KCNIP4: variants seen among roughly 807,000 people sequenced by gnomAD.
The protein encoded by KCNIP4 is Kv channel-interacting protein 4.
Under a neutral mutation model 34.0 loss-of-function variants are expected in KCNIP4, and 12 were observed. The ratio of observed to expected loss-of-function variants is 0.35; its 90% confidence interval spans 0.23 to 0.57. The LOEUF (loss-of-function observed/expected upper bound fraction) is 0.57. Among genes scored for constraint, KCNIP4 ranks in the 20% least tolerant of loss-of-function variants. The pLI is 0.83. For synonymous variants in KCNIP4, 124 were observed against 102.2 expected (o/e 1.21, Z -1.29); for missense variants, 238 against 311.7 (o/e 0.76, Z 1.78).
At chr4:21,445,238 T>A (rs1457156649) in intron 1 of KCNIP4, among the ~76,000 whole-genome samples, 1 of 152,164 alleles carries the variant, frequency 6.6e-6, no homozygotes, top group Non-Finnish European at 1.5e-5. Flanking sequence ...CCCATCAAGC[T>A]ACCAATGACT....
At chr4:21,463,874 T>C (rs1729689687) in intron 1 of KCNIP4, among the ~76,000 whole-genome samples, 1 of 152,108 alleles carries the variant, frequency 6.6e-6, no homozygotes, top group Non-Finnish European at 1.5e-5. Flanking sequence ...TCGTTTGAAA[T>C]TAAATCATTT....
intron 1 of KCNIP4, among the ~76,000 whole-genome samples, chr4:21,530,266 G>A (rs1182216005): frequency 6.6e-6 from 1 of 152,090 alleles, no homozygotes; most frequent in Non-Finnish European, 1.5e-5. Flanking sequence ...ATGTACTTTT[G>A]TTTCCTAGGT....
intron 1 of KCNIP4, among the ~76,000 whole-genome samples, chr4:21,008,532 G>GT (rs33988781): frequency 0.33 from 49,518 of 150,438 alleles, 8,274 homozygotes; most frequent in African/African-American, 0.37. Context: ...TTTTGTTTTT[G>GT]TTTTTTTTTG....
At chr4:21,610,880 A>G (rs1364199725) in intron 1 of KCNIP4, among the ~76,000 whole-genome samples, 2 of 152,066 alleles carry the variant, frequency 1.3e-5, no homozygotes, top group Non-Finnish European at 2.9e-5. Flanking sequence ...CAGGTTTGCT[A>G]CATAGGTATA....
chr4:21,597,902 A>G (rs1742781871), intron 1 of KCNIP4, among the ~76,000 whole-genome samples: 1 of 152,162 alleles, frequency 6.6e-6, no homozygotes, highest in Admixed American at 6.6e-5. Context: ...ATAGCAAAAC[A>G]TATATTTAGC....
At chr4:21,153,513 GTGTATA>G (rs1560769100) in intron 1 of KCNIP4, among the ~76,000 whole-genome samples, 5 of 61,478 alleles carry the variant, frequency 8.1e-5, no homozygotes, top group South Asian at 4.5e-4. Flanking sequence ...ATATGTGTGT[GTGTATA>G]TATATATATA....
At chr4:20,915,004 A>T (rs186053185) in intron 1 of KCNIP4, among the ~76,000 whole-genome samples, 78 of 152,278 alleles carry the variant, frequency 5.1e-4, no homozygotes, top group African/African-American at 1.7e-3. Flanking sequence ...TGCTTACACA[A>T]CCTTGCAGTA....
intron 1 of KCNIP4, among the ~76,000 whole-genome samples, chr4:21,514,836 A>C (rs769239008): frequency 6.6e-6 from 1 of 152,190 alleles, no homozygotes; most frequent in Non-Finnish European, 1.5e-5. Flanking sequence ...CAAGGAAAGC[A>C]TCACTATCTA....
chr4:21,034,983 C>T (rs921636479), intron 1 of KCNIP4, among the ~76,000 whole-genome samples: 1 of 152,200 alleles, frequency 6.6e-6, no homozygotes, highest in African/African-American at 2.4e-5. Context: ...GCCTACGTGA[C>T]AGCACTTTAC....
chr4:20,822,114 C>A (rs1038974499), intron 3 of KCNIP4, among the ~76,000 whole-genome samples: 17 of 152,000 alleles, frequency 1.1e-4, no homozygotes, highest in African/African-American at 4.1e-4. Context: ...AAATTATCAG[C>A]AAAGTAAACA....
At chr4:21,121,774 C>T (rs1414499400) in intron 1 of KCNIP4, among the ~76,000 whole-genome samples, 1 of 152,144 alleles carries the variant, frequency 6.6e-6, no homozygotes, top group Non-Finnish European at 1.5e-5. Context: ...GGTAGATTCC[C>T]ATGTTTCCAG....
chr4:21,020,009 G>T (rs149700182), intron 1 of KCNIP4, among the ~76,000 whole-genome samples: 1 of 152,244 alleles, frequency 6.6e-6, no homozygotes, highest in African/African-American at 2.4e-5. Flanking sequence ...AAATGTCTGT[G>T]ATTTTCCAGA....
chr4:21,252,527 A>G (rs1388743605), intron 1 of KCNIP4, among the ~76,000 whole-genome samples: 1 of 152,024 alleles, frequency 6.6e-6, no homozygotes, highest in Non-Finnish European at 1.5e-5. Context: ...GAGAAAGTGA[A>G]CCATTCCACA....
intron 1 of KCNIP4, among the ~76,000 whole-genome samples, chr4:21,238,299 A>T (rs1759529892): frequency 6.6e-6 from 1 of 152,184 alleles, no homozygotes; most frequent in Admixed American, 6.5e-5. Flanking sequence ...AACTGGAAGC[A>T]TTCCCTTTGA....
At chr4:21,235,040 G>A (rs1461509945) in intron 1 of KCNIP4, among the ~76,000 whole-genome samples, 3 of 152,048 alleles carry the variant, frequency 2.0e-5, no homozygotes, top group East Asian at 1.9e-4. Flanking sequence ...AAATACACAT[G>A]TAGATCAGGT....
chr4:21,652,322 G>GT (rs1436030781), intron 1 of KCNIP4, among the ~76,000 whole-genome samples: 11 of 152,160 alleles, frequency 7.2e-5, no homozygotes, highest in African/African-American at 2.2e-4. Context: ...GGGCAACAGA[G>GT]TGTCAGGCTC....
At chr4:21,695,088 T>C (rs1016153044) in intron 1 of KCNIP4, among the ~76,000 whole-genome samples, 1 of 152,062 alleles carries the variant, frequency 6.6e-6, no homozygotes, top group Non-Finnish European at 1.5e-5. Flanking sequence ...TTAAAGGAAA[T>C]TTTTTAAGCT....
At chr4:21,066,209 C>G (rs920580925) in intron 1 of KCNIP4, among the ~76,000 whole-genome samples, 1 of 152,056 alleles carries the variant, frequency 6.6e-6, no homozygotes, top group Non-Finnish European at 1.5e-5. Flanking sequence ...AAGGTTCTTT[C>G]TTGTGCTGAG....
intron 1 of KCNIP4, among the ~76,000 whole-genome samples, chr4:21,643,959 C>T (rs1049918871): frequency 5.3e-5 from 8 of 151,556 alleles, no homozygotes; most frequent in African/African-American, 1.7e-4. Context: ...TGGTTGTGGC[C>T]CTAATTAATG....
Sources: gnomAD v4.1 joint callset for allele counts (sites outside exome capture counted in the v4.1 genomes callset) on GRCh38, gnomAD v4.1.1 for gene constraint, MANE v1.5 for transcripts, NCBI Gene and HGNC (gene_info 2026-07-23, HGNC 2026-07-21) for gene names.